Variants in CXXC5 observed in about 807,000 individuals in gnomAD.
CXXC5 encodes CXXC finger protein 5, also known as CXXC-type zinc finger protein 5.
In CXXC5, 2 loss-of-function variants were observed where a neutral mutation model predicts 17.6. The observed-to-expected ratio is 0.11, with a 90% CI of 0.05 to 0.36. CXXC5 has a LOEUF of 0.36. Ranked by LOEUF, CXXC5 falls within the 10% of genes least tolerant of loss-of-function variation. CXXC5 has a pLI of 1.00. For synonymous variants in CXXC5, 171 were observed against 193.0 expected (o/e 0.89, Z 0.94); for missense variants, 343 against 458.3 (o/e 0.75, Z 2.30).
In CXXC5 at chr5:139,668,241, CG is replaced by C. The variant is rs901560066; in HGVS notation, c.-160-12122del. Among the ~76,000 whole-genome samples the C allele has an allele frequency of 1.3e-5, 2 of 152,072 alleles. No homozygotes were observed. Among genetic ancestry groups the C allele is most frequent in the Non-Finnish European group, 2.9e-5 (2 of 68,010 alleles). On this transcript the variant is annotated intron_variant, in intron 1 of 2. Transcript: ENST00000302517. The surrounding 1 kb of genome is among the most constrained non-coding windows in gnomAD (Gnocchi z 4.1). ...AAACTTTGAAAGCCTCTAATTGCTGCGCCTGGTGGCACCGTGGAATGAGGGG... is the reference window on the plus strand; with the variant it reads ...AAACTTTGAAAGCCTCTAATTGCTGCCCTGGTGGCACCGTGGAATGAGGGG...
chr5:139,663,233 G>A lies in CXXC5; in HGVS notation c.-161+14388G>A, dbSNP rs1026312177. On this transcript the variant is annotated intron_variant, in intron 1 of 2. Coordinates refer to ENST00000302517, the MANE Select transcript of CXXC5 (RefSeq NM_016463.9). The surrounding 1 kb of genome is among the most constrained non-coding windows in gnomAD (Gnocchi z 4.2). ...TCAGAGGGAGCAGAGAGAGCCGACT[G>A]TAGTTTCAAGGCTTTCTCTGTCTCC... 2.6e-5 allele frequency among the ~76,000 whole-genome samples: 4 copies of A among 152,188 alleles called. No homozygotes were observed. Among genetic ancestry groups the A allele is most frequent in the African/African-American group, 7.2e-5 (3 of 41,438 alleles).
chr5:139,653,901 G>T (rs1354234233), intron 1 of CXXC5, among the ~76,000 whole-genome samples: 1 of 152,194 alleles, frequency 6.6e-6, no homozygotes. Context: ...CAGCACTAGG[G>T]GCTCTAGAGA....
rs1283203180 is a variant in CXXC5, at chr5:139,648,715, C to G, written c.-291C>G. On this transcript the variant is annotated 5_prime_UTR_variant, in exon 1 of 3. Coordinates refer to ENST00000302517, the MANE Select transcript of CXXC5 (RefSeq NM_016463.9). ...GCGCGACTCGGGCTCCGGACCCGGG[C>G]ACTGCTGGCGGCTGGAGCGGAGCGC... 1 of 151,782 alleles carries G rather than the reference C, an allele frequency of 6.6e-6. No homozygotes were observed. Among genetic ancestry groups the G allele is most frequent in the Admixed American group, 6.6e-5 (1 of 15,256 alleles). The allele number at this position is 151,782 out of a possible 1,614,324, so 9.4% of individuals were successfully genotyped here. A position where few individuals can be genotyped will look rare whatever the true frequency, so the allele number is the denominator to read the frequency against.
chr5:139,681,949 T>C (rs1428768752), intron 2 of CXXC5, among the ~76,000 whole-genome samples: 1 of 152,184 alleles, frequency 6.6e-6, no homozygotes, highest in African/African-American at 2.4e-5. Context: ...GCTGTTCCAG[T>C]GCTGGGTGCC....
Position 139,668,542 on chromosome 5 carries a change from G to T in CXXC5, c.-160-11822G>T, listed in dbSNP as rs1017156114. On this transcript the variant is annotated intron_variant, in intron 1 of 2. Transcript: ENST00000302517. The surrounding 1 kb of genome is among the most constrained non-coding windows in gnomAD (Gnocchi z 4.1). ...ATGGCGGCTGTTCCTGCCGTTCTGGGGCCTGTGCCCCAGAGCTGGCCGCGT... is the reference window on the plus strand; with the variant it reads ...ATGGCGGCTGTTCCTGCCGTTCTGGTGCCTGTGCCCCAGAGCTGGCCGCGT... Among the ~76,000 whole-genome samples the T allele has an allele frequency of 6.6e-6, 1 of 152,168 alleles. No individual in the cohort carries two copies. The highest frequency in any genetic ancestry group is 2.4e-5 in the African/African-American group (1 of 41,434).
chr5:139,680,593 GGCAGTGGCA>G lies in CXXC5; in HGVS notation c.79_87del (p.Ser27_Gly29del), dbSNP rs750676479. ...CAGCAGCAGCACCAATGGCAGCGGTGGCAGTGGCAGCAGTGGCCCAAAGGCAGGAGCAGC... is the reference window on the plus strand; with the variant it reads ...CAGCAGCAGCACCAATGGCAGCGGTGGCAGTGGCCCAAAGGCAGGAGCAGC... On this transcript the variant is annotated inframe_deletion, in exon 2 of 3. Coordinates refer to ENST00000302517, the MANE Select transcript of CXXC5 (RefSeq NM_016463.9). 6.2e-7 allele frequency: 1 copy of G among 1,606,468 alleles called. No homozygotes were observed. Among genetic ancestry groups the G allele is most frequent in the South Asian group, 1.1e-5 (1 of 90,582 alleles).
chr5:139,671,597 T>TCCGTCC (rs1756474488), intron 1 of CXXC5, among the ~76,000 whole-genome samples: 1 of 152,230 alleles, frequency 6.6e-6, no homozygotes, highest in South Asian at 2.1e-4. Context: ...GGAGCCGGTT[T>TCCGTCC]CCGTCCCGTT....
At position 139,668,463 on chromosome 5, in the gene CXXC5, C is replaced by T. The variant is rs531324786; in HGVS notation, c.-160-11901C>T. Among the ~76,000 whole-genome samples the T allele has an allele frequency of 2.0e-5, 3 of 152,250 alleles. No individual in the cohort carries two copies. Among genetic ancestry groups the T allele is most frequent in the Non-Finnish European group, 1.5e-5 (1 of 68,000 alleles). On this transcript the variant is annotated intron_variant, in intron 1 of 2. Coordinates refer to ENST00000302517, the MANE Select transcript of CXXC5 (RefSeq NM_016463.9). The surrounding 1 kb of genome is among the most constrained non-coding windows in gnomAD (Gnocchi z 4.1). ...GCCGACTAATTAGGCCCGGCTACCT[C>T]CCGCGCCGCCCACTGCCCGCTCCAG...
intron 1 of CXXC5, among the ~76,000 whole-genome samples, chr5:139,677,219 C>CGCCCGCCT: frequency 6.6e-6 from 1 of 152,092 alleles, no homozygotes; most frequent in Admixed American, 6.5e-5. Flanking sequence ...CGCCCGCCGC[C>CGCCCGCCT]GCCCGCCTGC....
Position 139,682,828 on chromosome 5 carries a change from ACT to A in CXXC5, c.925-29_925-28del, listed in dbSNP as rs1757326341. 10 of 1,567,628 alleles carry A rather than the reference ACT, an allele frequency of 6.4e-6. No homozygotes were observed. In the Admixed American group the frequency reaches 1.1e-4, roughly 17 times the overall value. ...CCAGGCCTACCCGGACCCTGACTGA[ACT>A]CTCTCCTTGTTTTTGTCTCCCGCCC... On this transcript the variant is annotated intron_variant, in intron 2 of 2. Coordinates refer to ENST00000302517, the MANE Select transcript of CXXC5 (RefSeq NM_016463.9).
In CXXC5 at chr5:139,660,802, G is replaced by C. The variant is rs370481762; in HGVS notation, c.-161+11957G>C. Reference sequence around the variant, plus strand: ...CCTCTGGGAGCAGCTGCTGGGGTTGGGGGGAGTACACAGACAGAGGCCTAG... The same window carrying C: ...CCTCTGGGAGCAGCTGCTGGGGTTGCGGGGAGTACACAGACAGAGGCCTAG... On this transcript the variant is annotated intron_variant, in intron 1 of 2. Coordinates refer to ENST00000302517, the MANE Select transcript of CXXC5 (RefSeq NM_016463.9). 1.8e-4 allele frequency among the ~76,000 whole-genome samples: 28 copies of C among 151,638 alleles called. No individual in the cohort carries two copies. In the East Asian group the frequency reaches 2.9e-3, roughly 16 times the overall value.
chr5:139,655,936 C>T (rs1755469569), intron 1 of CXXC5, among the ~76,000 whole-genome samples: 2 of 152,238 alleles, frequency 1.3e-5, no homozygotes, highest in South Asian at 4.1e-4. Context: ...ATTTACTCCC[C>T]TCCAGCTGCC....
intron 1 of CXXC5, among the ~76,000 whole-genome samples, chr5:139,669,985 C>T (rs1239244351): frequency 6.6e-6 from 1 of 152,252 alleles, no homozygotes; most frequent in Non-Finnish European, 1.5e-5. Flanking sequence ...CAGCCTGAGC[C>T]TCCATCGACC....
At chr5:139,672,861 A>C (rs757163792) in intron 1 of CXXC5, among the ~76,000 whole-genome samples, 4 of 152,136 alleles carry the variant, frequency 2.6e-5, no homozygotes, top group Non-Finnish European at 5.9e-5. Context: ...CCAGTTCCCT[A>C]GCCAGTCCTA....
chr5:139,656,054 C>G (rs1056089019), intron 1 of CXXC5, among the ~76,000 whole-genome samples: 1 of 152,270 alleles, frequency 6.6e-6, no homozygotes, highest in African/African-American at 2.4e-5. Flanking sequence ...AGCACTCCCT[C>G]CCTTGCCTGT....
At position 139,668,785 on chromosome 5, in the gene CXXC5, A is replaced by T. The variant is rs928957553; in HGVS notation, c.-160-11579A>T. Among the ~76,000 whole-genome samples the T allele has an allele frequency of 4.0e-5, 6 of 151,708 alleles. No homozygotes were observed. The highest frequency in any genetic ancestry group is 8.8e-5 in the Non-Finnish European group (6 of 67,930). ...GACTGATAGGGGGAGTCGGGAGGGG[A>T]TGTTGAGCCCTGAGGTGTTGCACTG... On this transcript the variant is annotated intron_variant, in intron 1 of 2. Transcript: ENST00000302517. This position sits in a 1 kb window ranked among gnomAD's most constrained non-coding sequence, Gnocchi z 4.1.
rs774716253 is a variant in CXXC5 at position 139,680,891 on chromosome 5, C to T, written c.368C>T (p.Ala123Val). The T allele has an allele frequency of 1.5e-5, 24 of 1,605,196 alleles. No individual in the cohort carries two copies. The highest frequency in any genetic ancestry group is 8.9e-5 in the East Asian group (4 of 44,898). Reference protein sequence around the residue: ...SLLANGHDLAAAMAVDKSNPT... With the variant: ...SLLANGHDLAVAMAVDKSNPT... Reference sequence around the variant, plus strand: ...TTGGCCAATGGGCATGACCTGGCGGCGGCCATGGCGGTGGACAAAAGCAAC... The same window carrying T: ...TTGGCCAATGGGCATGACCTGGCGGTGGCCATGGCGGTGGACAAAAGCAAC... The change falls in exon 2 of 3, where the codon GCG (alanine) becomes GTG (valine). Residue 123 changes from alanine (A) to valine (V), a missense_variant. Ala to Val is a moderately conservative substitution (Grantham distance 64). Transcript: ENST00000302517.
At position 139,680,351 on chromosome 5, in the gene CXXC5, C is replaced by T. The variant is rs561637848; in HGVS notation, c.-160-13C>T. 2.2e-6 allele frequency: 2 copies of T among 911,958 alleles called. No individual in the cohort carries two copies. The highest frequency in any genetic ancestry group is 3.5e-5 in the South Asian group (2 of 56,376). 56.5% of individuals were successfully genotyped at this position (911,958 alleles called of 1,614,324 possible). On this transcript the variant is annotated splice_polypyrimidine_tract_variant and intron_variant, in intron 1 of 2. Coordinates refer to ENST00000302517, the MANE Select transcript of CXXC5 (RefSeq NM_016463.9). ...GTTCACTGCTGCCCTGACCCTGTATCCTCTTGTGACAGAGTGAAGACATTT... is the reference window on the plus strand; with the variant it reads ...GTTCACTGCTGCCCTGACCCTGTATTCTCTTGTGACAGAGTGAAGACATTT...
In CXXC5 at chr5:139,650,500, A is replaced by G. The variant is rs1755107739; in HGVS notation, c.-161+1655A>G. ...CCGGAGCCGCCCCAGGGCCGCCGGC[A>G]AACAGAGTCCCTTTCAAGTTTTCCG... On this transcript the variant is annotated intron_variant, in intron 1 of 2. Transcript: ENST00000302517. Among the ~76,000 whole-genome samples the G allele has an allele frequency of 2.0e-5, 3 of 152,164 alleles. No homozygotes were observed. In the South Asian group the frequency reaches 6.2e-4, roughly 31 times the overall value.
Sources: gnomAD v4.1 joint callset for allele counts (sites outside exome capture counted in the v4.1 genomes callset) on GRCh38, gnomAD v4.1.1 for gene constraint, Gnocchi (gnomAD v3.1) non-coding constraint, MANE v1.5 for transcripts, NCBI Gene and HGNC (gene_info 2026-07-23, HGNC 2026-07-21) for gene names.